The following LRRC4C variants were observed in gnomAD, a reference collection of about 807,000 sequenced individuals.
LRRC4C encodes leucine-rich repeat-containing protein 4C.
In LRRC4C, 5 loss-of-function variants were observed where a neutral mutation model predicts 33.6. That is an observed-to-expected ratio of 0.15 (90% confidence interval 0.08 to 0.31). LRRC4C has a LOEUF of 0.31. LRRC4C is among the 10% of genes least tolerant of loss of function. The probability of loss-of-function intolerance (pLI) is 1.00; values close to 1 mark genes in which losing one functional copy is unlikely to be tolerated. For missense variants in LRRC4C, 560 were observed against 796.7 expected, an observed-to-expected ratio of 0.70 and a Z score of 3.58; for synonymous variants, 329 against 302.0, an observed-to-expected ratio of 1.09 and a Z score of -0.93.
chr11:40,572,632 G>A (rs1958028853), intron 3 of LRRC4C, among the ~76,000 whole-genome samples: 1 of 152,136 alleles, frequency 6.6e-6, no homozygotes, highest in South Asian at 2.1e-4. Context: ...TTTAAAAAAT[G>A]AGGCAAATTC....
chr11:40,825,323 G>T (rs1477820500), intron 2 of LRRC4C, among the ~76,000 whole-genome samples: 1 of 151,844 alleles, frequency 6.6e-6, no homozygotes, highest in African/African-American at 2.4e-5. Context: ...AGGTCCAGAC[G>T]ATTCCATCAC....
At chr11:41,330,565 C>A (rs1218658334) in intron 1 of LRRC4C, among the ~76,000 whole-genome samples, 1 of 151,998 alleles carries the variant, frequency 6.6e-6, no homozygotes, top group Non-Finnish European at 1.5e-5. Context: ...TGCTCAGATG[C>A]AGATTGTTTT....
intron 1 of LRRC4C, among the ~76,000 whole-genome samples, chr11:41,242,182 A>G (rs1948277449): frequency 6.6e-6 from 1 of 152,170 alleles, no homozygotes; most frequent in Admixed American, 6.5e-5. Context: ...AAATAAGGAC[A>G]CTACTTTGAT....
chr11:40,929,604 T>TTTTTA (rs1245592858), intron 2 of LRRC4C, among the ~76,000 whole-genome samples: 7 of 152,036 alleles, frequency 4.6e-5, no homozygotes, highest in Non-Finnish European at 8.8e-5. Context: ...ATTCAATTCT[T>TTTTTA]TTTTATTTTA....
intron 2 of LRRC4C, among the ~76,000 whole-genome samples, chr11:40,857,979 A>C (rs528215154): frequency 8.6e-4 from 50 of 58,284 alleles, no homozygotes; most frequent in African/African-American, 2.3e-3. Context: ...GGGAAAGGGA[A>C]AGGGAAAGGG....
At chr11:40,841,350 G>A (rs1952903761) in intron 2 of LRRC4C, among the ~76,000 whole-genome samples, 2 of 152,074 alleles carry the variant, frequency 1.3e-5, no homozygotes, top group Admixed American at 6.6e-5. Context: ...GACTGAATAC[G>A]CATACCCCTT....
In LRRC4C at chr11:40,279,125, C is replaced by T. The variant is rs756585263; in HGVS notation, c.-175-37527G>A. 2.6e-5 allele frequency among the ~76,000 whole-genome samples: 4 copies of T among 152,176 alleles called. No individual in the cohort carries two copies. The East Asian group carries it at 5.8e-4, about 22-fold the overall frequency. ...CATTGGGAACATCTGGATCAAACTACACCTGAACTCCATGTACTGTAGGAC... is the reference window on the plus strand; with the variant it reads ...CATTGGGAACATCTGGATCAAACTATACCTGAACTCCATGTACTGTAGGAC... On this transcript the variant is annotated intron_variant, in intron 4 of 6. Transcript: ENST00000528697.
intron 1 of LRRC4C, among the ~76,000 whole-genome samples, chr11:41,297,184 T>G (rs773047782): frequency 3.3e-5 from 5 of 152,162 alleles, no homozygotes; most frequent in Non-Finnish European, 7.4e-5. Flanking sequence ...ATGTATCACA[T>G]TGATTAATTT....
At chr11:40,760,355 T>C (rs1949147369) in intron 2 of LRRC4C, among the ~76,000 whole-genome samples, 2 of 151,178 alleles carry the variant, frequency 1.3e-5, no homozygotes, top group Admixed American at 6.6e-5. Context: ...ACTGAGCAGT[T>C]GCAACGGAGA....
At chr11:40,479,228 ATAT>A (rs1404362088) in intron 3 of LRRC4C, among the ~76,000 whole-genome samples, 1 of 152,192 alleles carries the variant, frequency 6.6e-6, no homozygotes, top group Non-Finnish European at 1.5e-5. Context: ...TAATTTAATA[ATAT>A]TATTTGGCCT....
chr11:40,459,285 T>C (rs138650567), intron 3 of LRRC4C, among the ~76,000 whole-genome samples: 2 of 152,244 alleles, frequency 1.3e-5, no homozygotes, highest in East Asian at 1.9e-4. Context: ...TTGGAAGCAG[T>C]ATGCAATTTA....
At chr11:41,118,754 C>G (rs1326994824) in intron 1 of LRRC4C, among the ~76,000 whole-genome samples, 1 of 152,140 alleles carries the variant, frequency 6.6e-6, no homozygotes, top group Admixed American at 6.6e-5. Flanking sequence ...AAGCAACTTT[C>G]ATTGTGATGC....
chr11:40,510,344 A>C (rs894140986), intron 3 of LRRC4C, among the ~76,000 whole-genome samples: 3 of 151,784 alleles, frequency 2.0e-5, no homozygotes, highest in Admixed American at 1.3e-4. Context: ...TGGCTAAAAT[A>C]ACTGGTCCAT....
chr11:40,563,359 G>A (rs1000797302), intron 3 of LRRC4C, among the ~76,000 whole-genome samples: 3 of 152,066 alleles, frequency 2.0e-5, no homozygotes, highest in Admixed American at 2.0e-4. Flanking sequence ...TTGGGGAAAA[G>A]CCTGGTGGAG....
intron 5 of LRRC4C, among the ~76,000 whole-genome samples, chr11:40,200,765 CAAAAAAA>C (rs762650999): frequency 2.8e-5 from 2 of 70,962 alleles, no homozygotes; most frequent in African/African-American, 1.3e-4. Context: ...GACTCCATCT[CAAAAAAA>C]AAAAAAAAAA....
intron 2 of LRRC4C, among the ~76,000 whole-genome samples, chr11:40,887,532 C>T (rs978566925): frequency 3.9e-5 from 6 of 152,022 alleles, no homozygotes; most frequent in Non-Finnish European, 4.4e-5. Flanking sequence ...TGCTGACCCA[C>T]TTTGAACTTG....
At chr11:40,865,775 T>C (rs1954334421) in intron 2 of LRRC4C, among the ~76,000 whole-genome samples, 1 of 151,846 alleles carries the variant, frequency 6.6e-6, no homozygotes, top group African/African-American at 2.4e-5. Context: ...AAGGTAAATA[T>C]TTTTCCTATA....
intron 2 of LRRC4C, among the ~76,000 whole-genome samples, chr11:40,668,935 T>C (rs961529005): frequency 7.9e-5 from 12 of 152,298 alleles, no homozygotes; most frequent in Non-Finnish European, 1.8e-4. Context: ...TGATAACTTA[T>C]AAGGGCAAAC....
intron 3 of LRRC4C, among the ~76,000 whole-genome samples, chr11:40,424,247 C>T (rs539948099): frequency 1.4e-4 from 22 of 152,158 alleles, no homozygotes; most frequent in South Asian, 1.0e-3. Flanking sequence ...TTTAGTGAAG[C>T]GTGAACTAAC....
Sources: gnomAD v4.1 joint callset for allele counts (sites outside exome capture counted in the v4.1 genomes callset) on GRCh38, gnomAD v4.1.1 for gene constraint, MANE v1.5 for transcripts, NCBI Gene and HGNC (gene_info 2026-07-23, HGNC 2026-07-21) for gene names.